The following NLGN1 variants were observed in gnomAD, a reference collection of about 807,000 sequenced individuals.
NLGN1 encodes neuroligin 1, also known as neuroligin-1.
In NLGN1, 12 loss-of-function variants were observed where a neutral mutation model predicts 65.5. The ratio of observed to expected loss-of-function variants is 0.18; its 90% CI spans 0.12 to 0.30. The LOEUF is 0.30. Among genes scored for constraint, NLGN1 ranks in the 10% least tolerant of loss-of-function variants. The probability of loss-of-function intolerance (pLI) is 1.00; values close to 1 mark genes in which losing one functional copy is unlikely to be tolerated. For synonymous variants in NLGN1, 350 were observed against 359.5 expected (o/e 0.97, Z 0.30); for missense variants, 750 against 1,007.1 (o/e 0.74, Z 3.46).
chr3:174,101,695 G>A (rs1243146613), intron 4 of NLGN1, among the ~76,000 whole-genome samples: 1 of 152,094 alleles, frequency 6.6e-6, no homozygotes, highest in Non-Finnish European at 1.5e-5. Flanking sequence ...TTTTCCGCAG[G>A]CCCTCGCACA....
intron 4 of NLGN1, among the ~76,000 whole-genome samples, chr3:174,011,877 A>G (rs1012631815): frequency 2.0e-5 from 3 of 152,164 alleles, no homozygotes; most frequent in African/African-American, 7.2e-5. Flanking sequence ...ATTATTTCTC[A>G]TACAAGAAAA....
At chr3:173,539,677 A>ACCAT (rs1240848311) in intron 2 of NLGN1, among the ~76,000 whole-genome samples, 3 of 79,444 alleles carry the variant, frequency 3.8e-5, no homozygotes, top group African/African-American at 2.6e-4. Context: ...GCACATATAT[A>ACCAT]ACATACATAT....
At chr3:173,928,286 A>G (rs1743389445) in intron 4 of NLGN1, among the ~76,000 whole-genome samples, 2 of 152,206 alleles carry the variant, frequency 1.3e-5, no homozygotes, top group Non-Finnish European at 2.9e-5. Context: ...GGATCACCAC[A>G]TAGCCTCTTT....
chr3:173,900,325 T>C (rs1737107885), intron 4 of NLGN1, among the ~76,000 whole-genome samples: 1 of 152,046 alleles, frequency 6.6e-6, no homozygotes, highest in Non-Finnish European at 1.5e-5. Flanking sequence ...GGCCTGACCA[T>C]AGCTTTGGGT....
chr3:173,613,608 T>C (rs1752633847), intron 3 of NLGN1, among the ~76,000 whole-genome samples: 1 of 152,154 alleles, frequency 6.6e-6, no homozygotes, highest in African/African-American at 2.4e-5. Flanking sequence ...TCCTACCAAT[T>C]TAAAACTGTA....
At chr3:174,037,206 A>G (rs1194427186) in intron 4 of NLGN1, among the ~76,000 whole-genome samples, 1 of 152,166 alleles carries the variant, frequency 6.6e-6, no homozygotes, top group Admixed American at 6.5e-5. Context: ...GAACCAATTT[A>G]CACTCCCACC....
At chr3:173,854,893 G>T (rs1266238971) in intron 4 of NLGN1, among the ~76,000 whole-genome samples, 1 of 152,044 alleles carries the variant, frequency 6.6e-6, no homozygotes, top group Non-Finnish European at 1.5e-5. Context: ...GCCAGTCCTT[G>T]GCAGGCTTTT....
intron 2 of NLGN1, among the ~76,000 whole-genome samples, chr3:173,603,465 GA>G (rs1255293210): frequency 6.6e-6 from 1 of 150,598 alleles, no homozygotes; most frequent in Non-Finnish European, 1.5e-5. Flanking sequence ...CAGACAGTGA[GA>G]AAAAAACTGT....
intron 3 of NLGN1, among the ~76,000 whole-genome samples, chr3:173,794,723 TG>T (rs1363172466): frequency 6.6e-6 from 1 of 152,170 alleles, no homozygotes; most frequent in Non-Finnish European, 1.5e-5. Flanking sequence ...TTTGCAAATT[TG>T]CTGATGCTCA....
At chr3:174,018,088 A>C (rs1726984829) in intron 4 of NLGN1, among the ~76,000 whole-genome samples, 1 of 152,098 alleles carries the variant, frequency 6.6e-6, no homozygotes, top group Admixed American at 6.6e-5. Context: ...TTTCTCAGGG[A>C]TGTCCCTTGC....
intron 3 of NLGN1, among the ~76,000 whole-genome samples, chr3:173,716,242 T>C (rs1283495853): frequency 6.6e-6 from 1 of 152,200 alleles, no homozygotes; most frequent in Non-Finnish European, 1.5e-5. Context: ...ATTTAAACTA[T>C]TTCTCTATTT....
At chr3:173,937,834 A>C (rs918720092) in intron 4 of NLGN1, among the ~76,000 whole-genome samples, 2 of 152,210 alleles carry the variant, frequency 1.3e-5, no homozygotes, top group Admixed American at 6.5e-5. Flanking sequence ...TCTCTGGTCA[A>C]TTATGTATGA....
intron 3 of NLGN1, among the ~76,000 whole-genome samples, chr3:173,699,917 G>C (rs1179979392): frequency 6.6e-6 from 1 of 152,118 alleles, no homozygotes; most frequent in African/African-American, 2.4e-5. Flanking sequence ...GAACTTTTCT[G>C]GTCACAGAGG....
At chr3:173,888,969 T>C (rs1734849327) in intron 4 of NLGN1, among the ~76,000 whole-genome samples, 1 of 152,130 alleles carries the variant, frequency 6.6e-6, no homozygotes, top group Non-Finnish European at 1.5e-5. Context: ...TTTTCTGTTA[T>C]TAGAGTAGAA....
intron 4 of NLGN1, among the ~76,000 whole-genome samples, chr3:173,865,413 A>T (rs1021057523): frequency 1.3e-5 from 2 of 152,190 alleles, no homozygotes; most frequent in African/African-American, 2.4e-5. Context: ...CTTAGTTCTT[A>T]CATGTACATA....
chr3:173,588,084 A>G (rs562649742), intron 2 of NLGN1, among the ~76,000 whole-genome samples: 1 of 152,348 alleles, frequency 6.6e-6, no homozygotes, highest in African/African-American at 2.4e-5. Context: ...GAGAAATAAA[A>G]AAGAACAAAA....
intron 4 of NLGN1, among the ~76,000 whole-genome samples, chr3:173,830,487 C>T (rs189644720): frequency 2.5e-3 from 374 of 152,308 alleles, no homozygotes; most frequent in Middle Eastern, 0.014. Context: ...AATCTCATTT[C>T]TATGTCCTTT....
chr3:173,882,435 A>G (rs920427477), intron 4 of NLGN1, among the ~76,000 whole-genome samples: 3 of 152,214 alleles, frequency 2.0e-5, no homozygotes, highest in African/African-American at 7.2e-5. Context: ...ACTCTTTCAT[A>G]TACACTGAAA....
At chr3:174,130,833 A>C (rs905882835) in intron 4 of NLGN1, among the ~76,000 whole-genome samples, 1 of 152,196 alleles carries the variant, frequency 6.6e-6, no homozygotes, top group African/African-American at 2.4e-5. Context: ...TTATACTGAA[A>C]GTTAAGAGCA....
Sources: allele counts gnomAD v4.1 joint callset (sites outside exome capture counted in the v4.1 genomes callset), GRCh38; gene constraint gnomAD v4.1.1; transcripts MANE v1.5; gene names NCBI Gene and HGNC (gene_info 2026-07-23, HGNC 2026-07-21).